ZNF30: variants seen among roughly 807,000 people sequenced by gnomAD.
ZNF30 encodes the protein zinc finger protein 30 (KOX 28).
In ZNF30, 15 loss-of-function variants were observed where a neutral mutation model predicts 13.2. That is an observed-to-expected ratio of 1.13 (90% CI 0.76 to 1.75). ZNF30 has a LOEUF of 1.75. Among genes scored for constraint, ZNF30 ranks in the 40% most tolerant of loss-of-function variants. The probability of loss-of-function intolerance (pLI) is 0.00; values close to 1 mark genes in which losing one functional copy is unlikely to be tolerated. For synonymous variants in ZNF30, 223 were observed against 256.6 expected, an observed-to-expected ratio of 0.87 and a Z score of 1.25; for missense variants, 726 against 757.0, an observed-to-expected ratio of 0.96 and a Z score of 0.48.
chr19:34,932,543 A>C (rs115238403), intron 3 of ZNF30, among the ~76,000 whole-genome samples: 1 of 152,192 alleles, frequency 6.6e-6, no homozygotes, highest in Non-Finnish European at 1.5e-5. Flanking sequence ...CAGCGTGCTT[A>C]CTGTGTGCTG....
intron 2 of ZNF30, among the ~76,000 whole-genome samples, chr19:34,931,472 T>C (rs11880361): frequency 0.066 from 10,100 of 152,284 alleles, 976 homozygotes; most frequent in African/African-American, 0.21. Context: ...TATTCTACAG[T>C]TGGAGAAAGG....
rs1412019215 is a variant in ZNF30, at chr19:34,943,914, T to C, written c.948T>C (p.Tyr316=). ...GAATTCATACTGGCGAGAAACCCTA[T>C]GAATGTAAGGAGTGTGGGAAGTCCT... ...HQRIHTGEKP[Y]ECKECGKSFT... Residue 316 remains tyrosine, a synonymous_variant, in exon 5 of 5, where the codon TAT becomes TAC. Coordinates refer to ENST00000601142, the MANE Select transcript of ZNF30 (RefSeq NM_194325.3). 1.2e-6 allele frequency: 2 copies of C among 1,614,042 alleles called. No individual in the cohort carries two copies. The highest frequency in any genetic ancestry group is 2.7e-5 in the African/African-American group (2 of 74,920).
chr19:34,942,592 A>G (rs1170468007), intron 4 of ZNF30: 1 of 1,277,396 alleles, frequency 7.8e-7, no homozygotes, highest in Non-Finnish European at 1.0e-6. Flanking sequence ...AAACATGGAT[A>G]GGATAAGAAA....
chr19:34,942,675 T>G, intron 4 of ZNF30: 1 of 1,283,490 alleles, frequency 7.8e-7, no homozygotes, highest in Middle Eastern at 2.1e-4. Context: ...AACCAAAAGG[T>G]GAGAAAATTT....
chr19:34,934,440 T>A (rs2012617423), intron 4 of ZNF30, among the ~76,000 whole-genome samples: 1 of 152,116 alleles, frequency 6.6e-6, no homozygotes, highest in Non-Finnish European at 1.5e-5. Flanking sequence ...ATTTTTTTAA[T>A]CTTCAGTAGA....
intron 4 of ZNF30, among the ~76,000 whole-genome samples, chr19:34,935,707 T>G (rs1211590710): frequency 4.7e-5 from 7 of 149,506 alleles, no homozygotes; most frequent in African/African-American, 1.2e-4. Flanking sequence ...ATAGTTTTTT[T>G]TTTTTTTTTT....
rs546230338 is a variant in ZNF30 at position 34,927,136 on chromosome 19, G to A, written c.-145G>A. The A allele has an allele frequency of 7.6e-6, 3 of 395,334 alleles. No homozygotes were observed. The highest frequency in any genetic ancestry group is 8.9e-6 in the Non-Finnish European group (2 of 224,234). 24.5% of individuals were successfully genotyped at this position (395,334 alleles called of 1,614,324 possible). ...TCCGAGGTTGGAGCAGCCCCGCCGG[G>A]CAACTTGAATTTCTGCAAACGAACA... On this transcript the variant is annotated 5_prime_UTR_variant, in exon 1 of 5. Transcript: ENST00000601142.
chr19:34,943,152 G>A, intron 4 of ZNF30, 71 bp from the exon 5 acceptor site: 1 of 1,197,914 alleles, frequency 8.3e-7, no homozygotes, highest in South Asian at 2.0e-5. Context: ...GTTATTTTCA[G>A]TTTTTCTCTT....
At chr19:34,934,353 T>A (rs1257839670) in intron 4 of ZNF30, among the ~76,000 whole-genome samples, 2 of 152,152 alleles carry the variant, frequency 1.3e-5, no homozygotes, top group Admixed American at 1.3e-4. Context: ...AGCCTCGAAC[T>A]CCTGGGCTCA....
intron 4 of ZNF30, among the ~76,000 whole-genome samples, chr19:34,937,805 A>G (rs1047580839): frequency 6.6e-6 from 1 of 151,922 alleles, no homozygotes; most frequent in Non-Finnish European, 1.5e-5. Flanking sequence ...CACAATATAT[A>G]TATATTTTTT....
chr19:34,934,675 C>A (rs1350876524), intron 4 of ZNF30, among the ~76,000 whole-genome samples: 1 of 152,032 alleles, frequency 6.6e-6, no homozygotes, highest in African/African-American at 2.4e-5. Context: ...ACCAGAAAAA[C>A]CATATTAAAA....
chr19:34,929,058 G>A (rs968683470), intron 1 of ZNF30, among the ~76,000 whole-genome samples: 3 of 151,928 alleles, frequency 2.0e-5, no homozygotes, highest in South Asian at 4.2e-4. Flanking sequence ...TGAGGCGGGC[G>A]GATCACGAAG....
At chr19:34,941,860 A>G (rs2013064615) in intron 4 of ZNF30, among the ~76,000 whole-genome samples, 1 of 150,656 alleles carries the variant, frequency 6.6e-6, no homozygotes. Flanking sequence ...GTCTCAATAT[A>G]TCAAAGGAGG....
intron 4 of ZNF30, among the ~76,000 whole-genome samples, chr19:34,935,700 GTTTTTT>G (rs142285130): frequency 1.1e-3 from 93 of 84,218 alleles, no homozygotes; most frequent in Admixed American, 2.8e-3. Context: ...GTTGTCTATA[GTTTTTT>G]TTTTTTTTTT....
In ZNF30 at chr19:34,944,404, G is replaced by A; in HGVS notation, c.1438G>A (p.Asp480Asn). The change falls in exon 5 of 5, where the codon GAT becomes AAT. Residue 480 changes from aspartate to asparagine, a missense_variant. Physicochemically the swap from Asp to Asn is conservative, Grantham distance 23. Transcript: ENST00000601142. ...HLTQHRKIHT[D>N]VKPYECKECG... ...CACACAGCATCGGAAAATTCATACT[G>A]ATGTAAAGCCCTATGAATGTAAGGA... 6.2e-7 allele frequency: 1 copy of A among 1,614,114 alleles called. No homozygotes were observed. Among genetic ancestry groups the A allele is most frequent in the Non-Finnish European group, 8.5e-7 (1 of 1,180,006 alleles).
intron 1 of ZNF30, among the ~76,000 whole-genome samples, chr19:34,927,649 C>CTGTAACATTATGT (rs1404239059): frequency 6.6e-6 from 1 of 152,156 alleles, no homozygotes; most frequent in East Asian, 1.9e-4. Context: ...GAAAGGAGAG[C>CTGTAACATTATGT]AAGATGACAG....
At position 34,931,895 on chromosome 19, in the gene ZNF30, T is replaced by A; in HGVS notation, c.62T>A (p.Ile21Lys). Reference protein sequence around the residue: ...HGSVTFEDVAIAFSQQEWESL... With the variant: ...HGSVTFEDVAKAFSQQEWESL... ...TCAGTGACATTTGAGGATGTGGCCA[T>A]AGCCTTCTCCCAGCAGGAGTGGGAG... The change falls in exon 3 of 5, where the codon ATA (isoleucine) becomes AAA (lysine). Residue 21 changes from isoleucine (I) to lysine (K), a missense_variant. Transcript: ENST00000601142. 1 of 1,613,690 alleles carries A rather than the reference T, an allele frequency of 6.2e-7. No individual in the cohort carries two copies. The highest frequency in any genetic ancestry group is 1.1e-5 in the South Asian group (1 of 90,928).
At chr19:34,938,186 G>A (rs745622454) in intron 4 of ZNF30, among the ~76,000 whole-genome samples, 1 of 152,162 alleles carries the variant, frequency 6.6e-6, no homozygotes, top group Non-Finnish European at 1.5e-5. Flanking sequence ...CAGAATGGGA[G>A]GCAAGGCAGT....
Position 34,944,096 on chromosome 19 carries a change from GCGGGAGAA to G in ZNF30, c.1132_1139del (p.Gly378LeufsTer21). 6.2e-7 allele frequency: 1 copy of G among 1,613,780 alleles called. No individual in the cohort carries two copies. ...ATAAAGCCCTACGGATGCAAGGAAT[GCGGGAGAA>G]CCTTCAGTCGTGCCTCATATCTTGT... On this transcript the variant is annotated frameshift_variant, in exon 5 of 5. Coordinates refer to ENST00000601142, the MANE Select transcript of ZNF30 (RefSeq NM_194325.3). LOFTEE classifies it low-confidence loss of function (END_TRUNC).
Sources: allele counts gnomAD v4.1 joint callset (sites outside exome capture counted in the v4.1 genomes callset), GRCh38; gene constraint gnomAD v4.1.1; transcripts MANE v1.5; gene names NCBI Gene and HGNC (gene_info 2026-07-23, HGNC 2026-07-21).